The following BBS9 variants were observed in gnomAD, a reference collection of about 807,000 sequenced individuals.
BBS9 encodes protein PTHB1.
In BBS9, 89 loss-of-function variants were observed where a neutral mutation model predicts 117.7. The ratio of observed to expected loss-of-function variants is 0.76; its 90% CI spans 0.64 to 0.90. The LOEUF is 0.90. Ranked by LOEUF, BBS9 falls within the 40% of genes least tolerant of loss-of-function variation. The probability of loss-of-function intolerance (pLI) is 0.00; values close to 1 mark genes in which losing one functional copy is unlikely to be tolerated. For missense variants in BBS9, 982 were observed against 1,042.2 expected (o/e 0.94, Z 0.80); for synonymous variants, 379 against 370.9 (o/e 1.02, Z -0.25).
chr7:33,527,568 C>G (rs181276123), intron 20 of BBS9, among the ~76,000 whole-genome samples: 2 of 152,240 alleles, frequency 1.3e-5, no homozygotes, highest in Non-Finnish European at 2.9e-5. Context: ...TGACCCCTTG[C>G]GCTTCCCAAG....
intron 8 of BBS9, 87 bp from the exon 9 acceptor site, chr7:33,273,730 TGTTAGAATTA>T: frequency 9.4e-7 from 1 of 1,067,642 alleles, no homozygotes; most frequent in Non-Finnish European, 1.4e-6. Context: ...AAAATCCAGG[TGTTAGAATTA>T]GTTTGTGCTA....
chr7:33,572,260 A>G (rs767605868), intron 21 of BBS9, among the ~76,000 whole-genome samples: 109 of 152,174 alleles, frequency 7.2e-4, no homozygotes, highest in Non-Finnish European at 9.9e-4. Context: ...CATCCATGTT[A>G]TTACAAAGGA....
intron 21 of BBS9, among the ~76,000 whole-genome samples, chr7:33,547,003 T>G: frequency 6.6e-6 from 1 of 152,342 alleles, no homozygotes; most frequent in East Asian, 1.9e-4. Flanking sequence ...ATATAGTTCA[T>G]GCCCACCATG....
chr7:33,593,379 T>A (rs950575664), intron 21 of BBS9, among the ~76,000 whole-genome samples: 6 of 152,162 alleles, frequency 3.9e-5, no homozygotes, highest in Non-Finnish European at 8.8e-5. Flanking sequence ...TTGAAGACTT[T>A]AACAAAATAG....
At chr7:33,499,303 G>A in intron 19 of BBS9, among the ~76,000 whole-genome samples, 1 of 152,152 alleles carries the variant, frequency 6.6e-6, no homozygotes, top group East Asian at 1.9e-4. Flanking sequence ...GCCCAGAAAA[G>A]GGAAGTAAAT....
intron 9 of BBS9, among the ~76,000 whole-genome samples, chr7:33,275,337 T>A (rs890583070): frequency 1.3e-5 from 2 of 152,242 alleles, no homozygotes; most frequent in African/African-American, 4.8e-5. Context: ...TTTTGCAATG[T>A]CCATCACATG....
intron 21 of BBS9, among the ~76,000 whole-genome samples, chr7:33,600,965 G>A (rs1460452488): frequency 6.6e-6 from 1 of 152,178 alleles, no homozygotes; most frequent in African/African-American, 2.4e-5. Flanking sequence ...TTTTATTCAT[G>A]GGGGCCCCAT....
At chr7:33,183,530 G>T (rs1798379825) in intron 5 of BBS9, among the ~76,000 whole-genome samples, 1 of 152,024 alleles carries the variant, frequency 6.6e-6, no homozygotes, top group Non-Finnish European at 1.5e-5. Flanking sequence ...AATATTTCTG[G>T]CTTTTAAATG....
chr7:33,617,676 TA>T lies in BBS9; in HGVS notation c.2522-17498del, dbSNP rs533367785. ...TTGGGAAAACAATGCATGAAGAAAA[TA>T]AAGTGTTCAACAAAGGAATAAAAAC... On this transcript the variant is annotated intron_variant, in intron 21 of 21. Transcript: ENST00000671952. Among the ~76,000 whole-genome samples the T allele has an allele frequency of 1.9e-3, 291 of 151,978 alleles. 2 individuals carry two copies. In the South Asian group the frequency reaches 0.02, roughly 11 times the overall value.
chr7:33,251,236 C>T (rs2128301300), intron 5 of BBS9, among the ~76,000 whole-genome samples: 1 of 152,266 alleles, frequency 6.6e-6, no homozygotes, highest in African/African-American at 2.4e-5. Context: ...AGCCAAATGG[C>T]CTCTGTGATT....
Position 33,257,228 on chromosome 7 carries a change from T to C in BBS9, c.443-8T>C. On this transcript the variant is annotated splice_polypyrimidine_tract_variant and splice_region_variant and intron_variant, in intron 5 of 22. Transcript: ENST00000242067. The stretch of plus-strand genomic sequence containing the variant: ...TAGATTATCTAATTTTCTCTAATTC[T>C]TCTTTAGGTCGAGATTTAATTTGCA... The C allele has an allele frequency of 6.3e-7, 1 of 1,593,894 alleles. No individual in the cohort carries two copies. The highest frequency in any genetic ancestry group is 1.3e-5 in the African/African-American group (1 of 74,714).
intron 9 of BBS9, among the ~76,000 whole-genome samples, chr7:33,291,563 A>G (rs1804050126): frequency 6.6e-6 from 1 of 152,174 alleles, no homozygotes; most frequent in Admixed American, 6.5e-5. Flanking sequence ...GAGTAGAAGT[A>G]TATGTTACTT....
chr7:33,133,537 C>G (rs984148403), intron 1 of BBS9, among the ~76,000 whole-genome samples: 6 of 152,160 alleles, frequency 3.9e-5, no homozygotes, highest in Non-Finnish European at 8.8e-5. Flanking sequence ...TTACTGGCTT[C>G]TTTAACTTAG....
intron 20 of BBS9, among the ~76,000 whole-genome samples, chr7:33,524,692 A>G (rs760098181): frequency 5.3e-5 from 8 of 152,074 alleles, no homozygotes; most frequent in Non-Finnish European, 1.2e-4. Context: ...GATCCTTTCA[A>G]AAAACCAGCT....
intron 6 of BBS9, among the ~76,000 whole-genome samples, chr7:33,260,170 C>G (rs1220071592): frequency 6.6e-6 from 1 of 151,798 alleles, no homozygotes; most frequent in Non-Finnish European, 1.5e-5. Flanking sequence ...CAGCTAATTA[C>G]TTTTGTATTT....
chr7:33,203,156 G>C (rs978104601), intron 5 of BBS9, among the ~76,000 whole-genome samples: 1 of 152,154 alleles, frequency 6.6e-6, no homozygotes, highest in African/African-American at 2.4e-5. Context: ...TGGTAAGGTA[G>C]TTAGTCTTAT....
chr7:33,591,087 C>T (rs967069919), intron 21 of BBS9, among the ~76,000 whole-genome samples: 1 of 151,968 alleles, frequency 6.6e-6, no homozygotes, highest in African/African-American at 2.4e-5. Context: ...CTAGCCTATA[C>T]ATTAGTGGGC....
In BBS9 at chr7:33,573,166, A is replaced by G. The variant is rs180934965; in HGVS notation, c.2522-31699A>G. On this transcript the variant is annotated intron_variant, in intron 21 of 22. Coordinates refer to ENST00000242067, the MANE Select transcript of BBS9 (RefSeq NM_198428.3). ...TTCTAATTTTCTGGTACAATAAGAC[A>G]TTTTTGGCCTATTTTGTACCTTCCC... Among the ~76,000 whole-genome samples, 159 of 151,998 alleles carry G rather than the reference A, an allele frequency of 1.0e-3. 2 individuals are homozygous for G. The highest frequency in any genetic ancestry group is 3.8e-3 in the African/African-American group (156 of 41,478).
chr7:33,346,446 A>C, intron 12 of BBS9: 1 of 225,286 alleles, frequency 4.4e-6, no homozygotes, highest in South Asian at 5.9e-5. Flanking sequence ...TATATTTCCT[A>C]AGGGTTATAT....
Sources: allele counts gnomAD v4.1 joint callset (sites outside exome capture counted in the v4.1 genomes callset), GRCh38; gene constraint gnomAD v4.1.1; transcripts MANE v1.5; gene names NCBI Gene and HGNC (gene_info 2026-07-23, HGNC 2026-07-21).